The following DENND1A variants were observed in gnomAD, a reference collection of about 807,000 sequenced individuals.
DENND1A encodes DENN domain-containing protein 1A.
In DENND1A, 51 loss-of-function variants were observed where a neutral mutation model predicts 113.7. The observed-to-expected ratio is 0.45, with a 90% CI of 0.36 to 0.57. DENND1A has a LOEUF of 0.57. Among genes scored for constraint, DENND1A ranks in the 20% least tolerant of loss-of-function variants. DENND1A has a pLI of 0.00. For synonymous variants in DENND1A, 565 were observed against 570.8 expected (o/e 0.99, Z 0.14); for missense variants, 1,258 against 1,395.9 (o/e 0.90, Z 1.57).
chr9:123,606,149 C>T (rs2060145821), intron 11 of DENND1A, among the ~76,000 whole-genome samples: 1 of 152,148 alleles, frequency 6.6e-6, no homozygotes, highest in Admixed American at 6.5e-5. Context: ...CATCAGAAAG[C>T]ACAACTAGAG....
intron 13 of DENND1A, among the ~76,000 whole-genome samples, chr9:123,534,624 CACCT>C (rs57016013): frequency 0.25 from 38,622 of 151,952 alleles, 5,005 homozygotes; most frequent in African/African-American, 0.3. Context: ...TTGCTCCACA[CACCT>C]ACCTCAGCAA....
At chr9:123,745,594 C>T (rs898791220) in intron 5 of DENND1A, among the ~76,000 whole-genome samples, 6 of 152,164 alleles carry the variant, frequency 3.9e-5, no homozygotes, top group South Asian at 2.1e-4. Flanking sequence ...ATGAAGTCAA[C>T]GATATACATG....
intron 11 of DENND1A, among the ~76,000 whole-genome samples, chr9:123,588,640 G>T (rs963517713): frequency 5.3e-5 from 7 of 131,634 alleles, no homozygotes; most frequent in Admixed American, 1.5e-4. Context: ...AAAAGGGGGG[G>T]GGGGAAGAGA....
At chr9:123,797,701 T>C (rs1285223963) in intron 2 of DENND1A, among the ~76,000 whole-genome samples, 2 of 152,146 alleles carry the variant, frequency 1.3e-5, no homozygotes, top group African/African-American at 4.8e-5. Context: ...TAGTAAATTA[T>C]ATTGTTCGAT....
chr9:123,607,791 A>T (rs1214063343), intron 11 of DENND1A, among the ~76,000 whole-genome samples: 1 of 151,592 alleles, frequency 6.6e-6, no homozygotes, highest in East Asian at 2.0e-4. Flanking sequence ...AGAGAAAGAC[A>T]AAACTAGAAA....
chr9:123,670,046 T>C (rs2063690191), intron 7 of DENND1A, among the ~76,000 whole-genome samples: 1 of 152,246 alleles, frequency 6.6e-6, no homozygotes, highest in Non-Finnish European at 1.5e-5. Flanking sequence ...AATGTTAATA[T>C]CTATTTTGTA....
At chr9:123,725,888 A>G (rs767760990) in intron 5 of DENND1A, among the ~76,000 whole-genome samples, 1 of 152,252 alleles carries the variant, frequency 6.6e-6, no homozygotes, top group African/African-American at 2.4e-5. Context: ...CCCCTTATAA[A>G]CTAAATTCTA....
At chr9:123,724,328 T>A (rs1418358045) in intron 5 of DENND1A, among the ~76,000 whole-genome samples, 1 of 152,130 alleles carries the variant, frequency 6.6e-6, no homozygotes, top group Non-Finnish European at 1.5e-5. Context: ...CATACCTAAA[T>A]TTCCTAATGA....
chr9:123,799,440 A>C (rs1292673964), intron 2 of DENND1A, among the ~76,000 whole-genome samples: 3 of 152,162 alleles, frequency 2.0e-5, no homozygotes, highest in African/African-American at 7.2e-5. Context: ...CCTAATGGAG[A>C]ACACACAGAA....
At chr9:123,511,943 C>T (rs958039912) in intron 13 of DENND1A, among the ~76,000 whole-genome samples, 1 of 152,164 alleles carries the variant, frequency 6.6e-6, no homozygotes, top group Non-Finnish European at 1.5e-5. Context: ...ACTCTGCTTA[C>T]ATGTGGAAGC....
At chr9:123,882,133 G>A (rs1357005955) in intron 1 of DENND1A, among the ~76,000 whole-genome samples, 7 of 151,678 alleles carry the variant, frequency 4.6e-5, no homozygotes, top group Non-Finnish European at 7.4e-5. Flanking sequence ...ATGCATACAA[G>A]CCCCAGTCAC....
At chr9:123,729,240 C>T (rs538132840) in intron 5 of DENND1A, among the ~76,000 whole-genome samples, 4 of 152,214 alleles carry the variant, frequency 2.6e-5, no homozygotes, top group South Asian at 4.1e-4. Context: ...CTATTCAACA[C>T]AGTATTGGAA....
intron 2 of DENND1A, among the ~76,000 whole-genome samples, chr9:123,825,890 G>C (rs1049732550): frequency 6.6e-6 from 1 of 152,206 alleles, no homozygotes; most frequent in Admixed American, 6.5e-5. Flanking sequence ...CAAGTGGCCT[G>C]TGCCAATTTG....
intron 2 of DENND1A, among the ~76,000 whole-genome samples, chr9:123,840,425 AT>A (rs1399330268): frequency 6.6e-6 from 1 of 152,198 alleles, no homozygotes; most frequent in Non-Finnish European, 1.5e-5. Flanking sequence ...CATGATAATT[AT>A]AACAGAACTC....
At chr9:123,662,620 A>T (rs2063301273) in intron 8 of DENND1A, among the ~76,000 whole-genome samples, 1 of 152,220 alleles carries the variant, frequency 6.6e-6, no homozygotes, top group Admixed American at 6.5e-5. Context: ...TGCCTCTAAC[A>T]AGCACTTTCT....
chr9:123,870,430 C>T (rs7871250), intron 2 of DENND1A, among the ~76,000 whole-genome samples: 24,994 of 150,884 alleles, frequency 0.17, 4,036 homozygotes, highest in African/African-American at 0.42. Flanking sequence ...CCACCATGCC[C>T]GGCTAATTTT....
At chr9:123,538,775 T>C (rs1339693641) in intron 13 of DENND1A, among the ~76,000 whole-genome samples, 16 of 129,740 alleles carry the variant, frequency 1.2e-4, no homozygotes, top group African/African-American at 3.5e-4. Flanking sequence ...TGTGTGTGTG[T>C]GTGTGTGTAT....
At chr9:123,483,266 G>T (rs972902452) in intron 13 of DENND1A, among the ~76,000 whole-genome samples, 1 of 152,182 alleles carries the variant, frequency 6.6e-6, no homozygotes, top group African/African-American at 2.4e-5. Context: ...GAGGCCCCAT[G>T]CAGGGACTAT....
In DENND1A at chr9:123,876,800, T is replaced by C. The variant is rs549626304; in HGVS notation, c.88+2151A>G. The stretch of plus-strand genomic sequence containing the variant: ...ATTTTTATAGAAGCACTATTTACAA[T>C]AGCAAAGATACAGAATCAATATAAG... On this transcript the variant is annotated intron_variant, in intron 2 of 23. Transcript: ENST00000394215. Among the ~76,000 whole-genome samples, 86 of 152,232 alleles carry C rather than the reference T, an allele frequency of 5.6e-4. 1 individual carries two copies. In the South Asian group the frequency reaches 0.017, roughly 30 times the overall value.
Sources: gnomAD v4.1 joint callset for allele counts (sites outside exome capture counted in the v4.1 genomes callset) on GRCh38, gnomAD v4.1.1 for gene constraint, MANE v1.5 for transcripts, NCBI Gene and HGNC (gene_info 2026-07-23, HGNC 2026-07-21) for gene names.